CXXC4: variants seen among roughly 807,000 people sequenced by gnomAD.
CXXC4 encodes the protein CXXC finger protein 4.
A neutral mutation model predicts 20.5 loss-of-function variants in CXXC4; 5 were observed. The ratio of observed to expected loss-of-function variants is 0.24; its 90% confidence interval spans 0.13 to 0.51. The LOEUF (loss-of-function observed/expected upper bound fraction) is 0.51, where lower values mean the gene tolerates loss of function less well. CXXC4 is among the 20% of genes least tolerant of loss of function. The pLI is 0.97. For missense variants in CXXC4, 419 were observed against 496.4 expected, an observed-to-expected ratio of 0.84 and a Z score of 1.48; for synonymous variants, 250 against 216.4, an observed-to-expected ratio of 1.16 and a Z score of -1.36.
chr4:104,494,137 G>A (rs1736978522), intron 1 of CXXC4, among the ~76,000 whole-genome samples: 1 of 152,132 alleles, frequency 6.6e-6, no homozygotes, highest in South Asian at 2.1e-4. Context: ...CATCTCTGGA[G>A]CATGAAAAAG....
At chr4:104,487,974 T>A (rs569220987) in intron 2 of CXXC4, among the ~76,000 whole-genome samples, 1 of 152,238 alleles carries the variant, frequency 6.6e-6, no homozygotes, top group African/African-American at 2.4e-5. Flanking sequence ...TAATTTCAGT[T>A]TTCTCACCCT....
chr4:104,492,201 A>ACCCCCCCCCCCCCCCCCCCCCCCCC (rs1162003749), intron 1 of CXXC4, 142 bp from the exon 2 acceptor site: 5 of 109,550 alleles, frequency 4.6e-5, no homozygotes, highest in South Asian at 4.3e-4. Flanking sequence ...TCAAGACGTG[A>ACCCCCCCCCCCCCCCCCCCCCCCCC]CCCCCCCCAG....
chr4:104,472,380 G>A lies in CXXC4; in HGVS notation c.1060-14C>T. On this transcript the variant is annotated splice_polypyrimidine_tract_variant and intron_variant, in intron 2 of 2. Coordinates refer to ENST00000394767, the MANE Select transcript of CXXC4 (RefSeq NM_025212.4). Reference sequence around the variant, plus strand: ...AACAGGTGTTCTCTATAAAAAAAGAGCAAGAAAACAAGTTAAGCTTTCTTT... The same window carrying A: ...AACAGGTGTTCTCTATAAAAAAAGAACAAGAAAACAAGTTAAGCTTTCTTT... The A allele has an allele frequency of 1.3e-6, 2 of 1,587,322 alleles. No homozygotes were observed. Among genetic ancestry groups the A allele is most frequent in the South Asian group, 2.3e-5 (2 of 86,470 alleles).
chr4:104,478,262 GT>G (rs1319411148), intron 2 of CXXC4, among the ~76,000 whole-genome samples: 1 of 152,160 alleles, frequency 6.6e-6, no homozygotes, highest in Non-Finnish European at 1.5e-5. Flanking sequence ...ATTTTAGACT[GT>G]GACGGTGTGA....
chr4:104,481,490 G>A (rs570901470), intron 2 of CXXC4, among the ~76,000 whole-genome samples: 1 of 151,682 alleles, frequency 6.6e-6, no homozygotes, highest in African/African-American at 2.4e-5. Flanking sequence ...CTGAGATCAC[G>A]CCACTGCACT....
Position 104,468,982 on chromosome 4 carries a change from T to G in CXXC4, c.*3340A>C, listed in dbSNP as rs926364306. On this transcript the variant is annotated 3_prime_UTR_variant, in exon 3 of 3. Coordinates refer to ENST00000394767, the MANE Select transcript of CXXC4 (RefSeq NM_025212.4). ...CTTTCTTTTAGTGATTGCTTAATAT[T>G]AATTCATAATAAGTGCACCATCTCT... is the stretch of plus-strand genomic sequence containing the variant. The G allele has an allele frequency of 6.6e-6, 1 of 152,064 alleles. No individual in the cohort carries two copies. Among genetic ancestry groups the G allele is most frequent in the South Asian group, 2.1e-4 (1 of 4,828 alleles). The allele number at this position is 152,064 out of a possible 1,614,324, so 9.4% of individuals were successfully genotyped here. A position where few individuals can be genotyped will look rare whatever the true frequency, so the allele number is the denominator to read the frequency against.
At chr4:104,473,618 A>G (rs1736330820) in intron 2 of CXXC4, among the ~76,000 whole-genome samples, 1 of 151,928 alleles carries the variant, frequency 6.6e-6, no homozygotes, top group African/African-American at 2.4e-5. Context: ...AAGAAAGTTG[A>G]CTTTATTCCT....
intron 2 of CXXC4, among the ~76,000 whole-genome samples, chr4:104,482,609 T>C (rs922004714): frequency 1.3e-5 from 2 of 152,144 alleles, no homozygotes; most frequent in African/African-American, 4.8e-5. Context: ...CCAAGCATAG[T>C]TATTTTTCTA....
Position 104,472,123 on chromosome 4 carries a change from A to G in CXXC4, c.*199T>C. The G allele has an allele frequency of 5.0e-6, 2 of 396,726 alleles. No individual in the cohort carries two copies. The highest frequency in any genetic ancestry group is 3.8e-5 in the East Asian group (1 of 26,306). 24.6% of individuals were successfully genotyped at this position (396,726 alleles called of 1,614,324 possible). A position where few individuals can be genotyped will look rare whatever the true frequency, so the allele number is the denominator to read the frequency against. On this transcript the variant is annotated 3_prime_UTR_variant, in exon 3 of 3. Coordinates refer to ENST00000394767, the MANE Select transcript of CXXC4 (RefSeq NM_025212.4). ...GTATTGAAAGTAAATAGACTGGCCAATTCTCCAAGCTCTCACATTATTTTT... is the reference window on the plus strand; with the variant it reads ...GTATTGAAAGTAAATAGACTGGCCAGTTCTCCAAGCTCTCACATTATTTTT...
At chr4:104,479,127 C>T (rs1736493382) in intron 2 of CXXC4, among the ~76,000 whole-genome samples, 1 of 152,006 alleles carries the variant, frequency 6.6e-6, no homozygotes, top group Non-Finnish European at 1.5e-5. Flanking sequence ...GCAGCCTTTC[C>T]CAGACCAAGT....
At chr4:104,479,320 C>T (rs1211926009) in intron 2 of CXXC4, among the ~76,000 whole-genome samples, 4 of 152,110 alleles carry the variant, frequency 2.6e-5, no homozygotes, top group Admixed American at 1.3e-4. Context: ...TTTGAACACC[C>T]TCTAATTTAT....
At position 104,492,055 on chromosome 4, in the gene CXXC4, T is replaced by TA; in HGVS notation, c.-254dup. On this transcript the variant is annotated 5_prime_UTR_variant, in exon 2 of 3. Coordinates refer to ENST00000394767, the MANE Select transcript of CXXC4 (RefSeq NM_025212.4). ...TTCCTTTGCATTATCCTCCAACTGT[T>TA]ACAACTAAAATAAAGAAAGTCATTC... 1 of 343,496 alleles carries TA rather than the reference T, an allele frequency of 2.9e-6. No individual in the cohort carries two copies. The highest frequency in any genetic ancestry group is 1.4e-4 in the South Asian group (1 of 7,104). The allele number at this position is 343,496 out of a possible 1,614,324, so 21.3% of individuals were successfully genotyped here. A position where few individuals can be genotyped will look rare whatever the true frequency, so the allele number is the denominator to read the frequency against.
chr4:104,485,655 T>C (rs1271869121), intron 2 of CXXC4, among the ~76,000 whole-genome samples: 1 of 152,102 alleles, frequency 6.6e-6, no homozygotes. Flanking sequence ...TCCAGAAAGA[T>C]AGTTTGTATT....
chr4:104,480,743 G>C (rs925879189), intron 2 of CXXC4, among the ~76,000 whole-genome samples: 19 of 151,998 alleles, frequency 1.3e-4, no homozygotes, highest in Non-Finnish European at 2.5e-4. Flanking sequence ...ATGACCTTAA[G>C]TATGCCATTT....
At chr4:104,479,201 C>T (rs1465276506) in intron 2 of CXXC4, among the ~76,000 whole-genome samples, 1 of 151,922 alleles carries the variant, frequency 6.6e-6, no homozygotes, top group Non-Finnish European at 1.5e-5. Context: ...TTAACTTTAT[C>T]CCTTTTTTAT....
intron 2 of CXXC4, among the ~76,000 whole-genome samples, chr4:104,477,680 C>T (rs1028362268): frequency 3.3e-5 from 5 of 151,594 alleles, no homozygotes; most frequent in African/African-American, 1.2e-4. Context: ...TCACACAGTC[C>T]AATAATTTAT....
intron 2 of CXXC4, among the ~76,000 whole-genome samples, chr4:104,473,141 GAAT>G (rs150102344): frequency 0.12 from 17,643 of 150,626 alleles, 2,867 homozygotes; most frequent in African/African-American, 0.37. Flanking sequence ...TTTTCTGACA[GAAT>G]AATAACAAAT....
rs1736279973 is a variant in CXXC4, at chr4:104,471,659, T to C, written c.*663A>G. The C allele has an allele frequency of 6.6e-6, 1 of 152,036 alleles. No individual in the cohort carries two copies. Among genetic ancestry groups the C allele is most frequent in the African/African-American group, 2.4e-5 (1 of 41,436 alleles). The allele number at this position is 152,036 out of a possible 1,614,324, so 9.4% of individuals were successfully genotyped here. ...ATAACATCTTCCCCTCTTATAACAATAAAACTGAAGGTAATTGGTGGATGC... is the reference window on the plus strand; with the variant it reads ...ATAACATCTTCCCCTCTTATAACAACAAAACTGAAGGTAATTGGTGGATGC... On this transcript the variant is annotated 3_prime_UTR_variant, in exon 3 of 3. Transcript: ENST00000394767.
chr4:104,493,146 A>G (rs1345520417), intron 1 of CXXC4, among the ~76,000 whole-genome samples: 4 of 152,158 alleles, frequency 2.6e-5, no homozygotes, highest in Middle Eastern at 3.4e-3. Flanking sequence ...TTAACTGGGT[A>G]TTTGCATTAA....
Sources: gnomAD v4.1 joint callset for allele counts (sites outside exome capture counted in the v4.1 genomes callset) on GRCh38, gnomAD v4.1.1 for gene constraint, MANE v1.5 for transcripts, NCBI Gene and HGNC (gene_info 2026-07-23, HGNC 2026-07-21) for gene names.